RASGRF2: variants seen among roughly 807,000 people sequenced by gnomAD.
RASGRF2 encodes the protein Ras protein specific guanine nucleotide releasing factor 2.
Under a neutral mutation model 151.0 loss-of-function variants are expected in RASGRF2, and 76 were observed. The ratio of observed to expected loss-of-function variants is 0.50; its 90% confidence interval spans 0.42 to 0.61. The LOEUF (loss-of-function observed/expected upper bound fraction) is 0.61. Among genes scored for constraint, RASGRF2 ranks in the 20% least tolerant of loss-of-function variants. The pLI is 0.00. For synonymous variants in RASGRF2, 504 were observed against 566.5 expected, an observed-to-expected ratio of 0.89 and a Z score of 1.57; for missense variants, 1,148 against 1,564.6, an observed-to-expected ratio of 0.73 and a Z score of 4.49.
chr5:81,155,966 C>A (rs1754251917), intron 17 of RASGRF2, among the ~76,000 whole-genome samples: 1 of 152,096 alleles, frequency 6.6e-6, no homozygotes, highest in Non-Finnish European at 1.5e-5. Flanking sequence ...TGTTCAAGGC[C>A]TAAGTGTGGG....
At chr5:81,115,087 T>G (rs1005555820) in intron 15 of RASGRF2, among the ~76,000 whole-genome samples, 1 of 152,168 alleles carries the variant, frequency 6.6e-6, no homozygotes, top group Admixed American at 6.5e-5. Flanking sequence ...TAATAAAAAT[T>G]GGGCAATAAA....
At position 81,113,736 on chromosome 5, in the gene RASGRF2, T is replaced by G; in HGVS notation, c.2286T>G (p.Thr762=). The G allele has an allele frequency of 6.2e-7, 1 of 1,614,102 alleles. No homozygotes were observed. Among genetic ancestry groups the G allele is most frequent in the Non-Finnish European group, 8.5e-7 (1 of 1,179,988 alleles). The change falls in exon 15 of 27, where the codon ACT becomes ACG. Residue 762 remains threonine, a synonymous_variant. Transcript: ENST00000265080. The stretch of plus-strand genomic sequence containing the variant: ...AGATAGGAGCATTGGACCTGACAAC[T>G]TCCAGCAGTCCCACCACCACCACCC... The part of the protein sequence containing the change: ...NSKIGALDLT[T]SSSPTTTTQS...
At chr5:81,212,617 A>G (rs1755650958) in intron 23 of RASGRF2, 54 bp downstream of exon 23, 2 of 1,459,648 alleles carry the variant, frequency 1.4e-6, no homozygotes, top group Non-Finnish European at 1.8e-6. Context: ...AGGCTGGGAG[A>G]TGGGAGCCAA....
chr5:81,127,232 G>C (rs1363485067), intron 17 of RASGRF2, 69 bp downstream of exon 17: 24 of 1,461,786 alleles, frequency 1.6e-5, no homozygotes, highest in Non-Finnish European at 2.2e-5. Context: ...GTGTCTGCCA[G>C]TGTCTTGATG....
chr5:81,091,766 A>G (rs1315765847), intron 9 of RASGRF2, among the ~76,000 whole-genome samples: 1 of 152,168 alleles, frequency 6.6e-6, no homozygotes, highest in Admixed American at 6.5e-5. Flanking sequence ...GAAGCTAGAA[A>G]AATGTATGAA....
At chr5:81,085,546 AAAC>A (rs772652551) in intron 7 of RASGRF2, among the ~76,000 whole-genome samples, 62 of 152,326 alleles carry the variant, frequency 4.1e-4, no homozygotes, top group East Asian at 2.7e-3. Flanking sequence ...AAAATTAAAG[AAAC>A]AACCATCTCT....
intron 17 of RASGRF2, among the ~76,000 whole-genome samples, chr5:81,155,097 A>G (rs1754229717): frequency 6.6e-6 from 1 of 152,146 alleles, no homozygotes; most frequent in South Asian, 2.1e-4. Flanking sequence ...AAATTAGAAA[A>G]TGTTTTGAAA....
rs148833456 is a variant in RASGRF2, at chr5:81,140,459, C to T, written c.2686+13296C>T. Among the ~76,000 whole-genome samples the T allele has an allele frequency of 4.9e-3, 749 of 152,162 alleles. 4 individuals are homozygous for T. The highest frequency in any genetic ancestry group is 0.01 in the Middle Eastern group (3 of 292). ...ACAGACACACACATGCACACACGCA[C>T]ACTCACTCACATTTTGCTTGGAATT... On this transcript the variant is annotated intron_variant, in intron 17 of 26. Transcript: ENST00000265080.
chr5:81,045,044 G>T (rs979283901), intron 2 of RASGRF2, among the ~76,000 whole-genome samples: 1 of 152,146 alleles, frequency 6.6e-6, no homozygotes, highest in East Asian at 1.9e-4. Flanking sequence ...TGGTTCAGCC[G>T]TCCTTGCTCT....
chr5:80,965,036 G>A (rs528155830), intron 1 of RASGRF2, among the ~76,000 whole-genome samples: 42 of 151,874 alleles, frequency 2.8e-4, no homozygotes, highest in Non-Finnish European at 5.0e-4. Flanking sequence ...TATCTCTTTC[G>A]CTCTGGAGGT....
At chr5:80,970,511 C>T (rs1240779463) in intron 1 of RASGRF2, among the ~76,000 whole-genome samples, 2 of 151,932 alleles carry the variant, frequency 1.3e-5, no homozygotes, top group East Asian at 1.9e-4. Context: ...TGTTTATCCC[C>T]GTTTGCCTTC....
At chr5:81,035,861 T>C (rs549506721) in intron 1 of RASGRF2, among the ~76,000 whole-genome samples, 1 of 152,246 alleles carries the variant, frequency 6.6e-6, no homozygotes, top group African/African-American at 2.4e-5. Flanking sequence ...ATTAGTAATA[T>C]TTGAAGAGAT....
At chr5:81,093,393 T>A (rs573826231) in intron 10 of RASGRF2, among the ~76,000 whole-genome samples, 22 of 152,272 alleles carry the variant, frequency 1.4e-4, no homozygotes, top group African/African-American at 4.8e-4. Context: ...GAGCCTGTTT[T>A]TGTTAATAAA....
rs1388764810 is a variant in RASGRF2, at chr5:81,225,876, C to T, written c.*106C>T. On this transcript the variant is annotated 3_prime_UTR_variant, in exon 27 of 27. Transcript: ENST00000265080. ...GTACAGCACGAAGCCAGGCTCCTTT[C>T]TCCACCAAAGAAGATGGAACCAGAC... The T allele has an allele frequency of 2.5e-6, 3 of 1,210,978 alleles. No individual in the cohort carries two copies. The highest frequency in any genetic ancestry group is 3.3e-6 in the Non-Finnish European group (3 of 904,802). 75.0% of individuals were successfully genotyped at this position (1,210,978 alleles called of 1,614,324 possible). A position where few individuals can be genotyped will look rare whatever the true frequency, so the allele number is the denominator to read the frequency against.
intron 17 of RASGRF2, among the ~76,000 whole-genome samples, chr5:81,138,341 C>G (rs183908749): frequency 6.6e-6 from 1 of 152,250 alleles, no homozygotes; most frequent in African/African-American, 2.4e-5. Flanking sequence ...TCCCTGACCC[C>G]TGTAGACTAT....
intron 1 of RASGRF2, among the ~76,000 whole-genome samples, chr5:81,016,190 C>A (rs1049970022): frequency 3.3e-5 from 5 of 152,138 alleles, no homozygotes; most frequent in Admixed American, 6.5e-5. Context: ...AATGATAATA[C>A]AAGAGAAAGA....
Position 81,073,423 on chromosome 5 carries a change from C to T in RASGRF2, c.858C>T (p.His286=), listed in dbSNP as rs1386082496. ...AASSKKPPIS[H]DDVSSIFLNS... is the part of the protein sequence containing the mutation. ...GCTCCAAGAAGCCCCCCATCAGCCA[C>T]GACGACGTCAGCAGTATTTTTCTTA... The change falls in exon 5 of 27, where the codon CAC becomes CAT. Residue 286 remains histidine, a synonymous_variant. Coordinates refer to ENST00000265080, the MANE Select transcript of RASGRF2 (RefSeq NM_006909.3). 1.2e-5 allele frequency: 20 copies of T among 1,613,974 alleles called. No individual in the cohort carries two copies. The highest frequency in any genetic ancestry group is 3.3e-4 in the Middle Eastern group (2 of 6,084).
chr5:81,034,741 T>C (rs1750408438), intron 1 of RASGRF2, among the ~76,000 whole-genome samples: 1 of 144,206 alleles, frequency 6.9e-6, no homozygotes, highest in African/African-American at 2.6e-5. Context: ...TAGGTGGAAA[T>C]TGAACAATGA....
At chr5:81,090,830 T>A (rs1752369123) in intron 9 of RASGRF2, among the ~76,000 whole-genome samples, 1 of 152,226 alleles carries the variant, frequency 6.6e-6, no homozygotes, top group Non-Finnish European at 1.5e-5. Context: ...ACATAGAAAA[T>A]CACTAAATTG....
Sources: gnomAD v4.1 joint callset for allele counts (sites outside exome capture counted in the v4.1 genomes callset) on GRCh38, gnomAD v4.1.1 for gene constraint, MANE v1.5 for transcripts, NCBI Gene and HGNC (gene_info 2026-07-23, HGNC 2026-07-21) for gene names.